The following PCDHGB2 variants were observed in gnomAD, a reference collection of about 807,000 sequenced individuals.
PCDHGB2 encodes the protein protocadherin gamma subfamily B, 2.
Under a neutral mutation model 59.3 loss-of-function variants are expected in PCDHGB2, and 55 were observed. The observed-to-expected ratio is 0.93, with a 90% CI of 0.75 to 1.16. PCDHGB2 has a LOEUF of 1.16. PCDHGB2 is among the 50% of genes most tolerant of loss of function. The pLI, the probability that PCDHGB2 is intolerant of heterozygous loss-of-function variation, is 0.00. For missense variants in PCDHGB2, 1,228 were observed against 1,198.5 expected (o/e 1.02, Z -0.36); for synonymous variants, 516 against 512.0 (o/e 1.01, Z -0.11).
At chr5:141,392,979 C>T (rs1356713892) in intron 1 of PCDHGB2, 4 of 1,613,718 alleles carry the variant, frequency 2.5e-6, no homozygotes, top group Admixed American at 1.7e-5. Context: ...GGGGCTGGAC[C>T]CCCGGAAGCT....
intron 1 of PCDHGB2, chr5:141,397,962 A>G (rs968992832): frequency 2.0e-5 from 21 of 1,036,912 alleles, no homozygotes; most frequent in Non-Finnish European, 2.8e-5. Flanking sequence ...CCCAGCTCAG[A>G]CTCCCCAGCG....
rs202183643 is a variant in PCDHGB2 at position 141,490,646 on chromosome 5, C to T, written c.2422-4161C>T. 9 of 1,614,186 alleles carry T rather than the reference C, an allele frequency of 5.6e-6. No homozygotes were observed. Among genetic ancestry groups the T allele is most frequent in the African/African-American group, 2.7e-5 (2 of 75,054 alleles). ...GCTTACATCCTAGAAAACCGGCCTC[C>T]GGGCTCCCTTCTTTGCACTGTGGCT... On this transcript the variant is annotated intron_variant, in intron 1 of 3. Transcript: ENST00000522605. The surrounding 1 kb of genome is among the most constrained non-coding windows in gnomAD (Gnocchi z 5.4).
At position 141,491,884 on chromosome 5, in the gene PCDHGB2, G is replaced by A. The variant is rs745931108; in HGVS notation, c.2422-2923G>A. The A allele has an allele frequency of 2.8e-6, 4 of 1,446,372 alleles. No homozygotes were observed. The highest frequency in any genetic ancestry group is 2.9e-5 in the Admixed American group (1 of 34,718). 89.6% of individuals were successfully genotyped at this position (1,446,372 alleles called of 1,614,324 possible). ...AACCAGAGTGGCCGATTAAGGGATG[G>A]GGCTCCGAGCACCGGGGGTGGTGGC... On this transcript the variant is annotated intron_variant, in intron 1 of 3. Coordinates refer to ENST00000522605, the MANE Select transcript of PCDHGB2 (RefSeq NM_018923.3). This position sits in a 1 kb window ranked among gnomAD's most constrained non-coding sequence, Gnocchi z 6.9.
intron 1 of PCDHGB2, chr5:141,414,596 C>T: frequency 6.2e-7 from 1 of 1,613,962 alleles, no homozygotes; most frequent in Non-Finnish European, 8.5e-7. Context: ...AGGGGTGCCT[C>T]CATCTTCTCA....
In PCDHGB2 at chr5:141,432,373, G is replaced by T; in HGVS notation, c.2422-62434G>T. ...TGAAAGTGATGGCGCGGGACAACGG[G>T]CACCCGCCCCTCAGCAGCAACGTGT... is the stretch of plus-strand genomic sequence containing the variant. On this transcript the variant is annotated intron_variant, in intron 1 of 3. Coordinates refer to ENST00000522605, the MANE Select transcript of PCDHGB2 (RefSeq NM_018923.3). This position sits in a 1 kb window ranked among gnomAD's most constrained non-coding sequence, Gnocchi z 6.0. The T allele has an allele frequency of 6.2e-7, 1 of 1,614,206 alleles. No homozygotes were observed. The highest frequency in any genetic ancestry group is 1.1e-5 in the South Asian group (1 of 91,082).
intron 1 of PCDHGB2, chr5:141,418,387 G>C (rs1172239604): frequency 1.9e-6 from 3 of 1,613,884 alleles, no homozygotes; most frequent in Non-Finnish European, 2.5e-6. Flanking sequence ...GTCCTAACGA[G>C]TATTTCTCAT....
intron 2 of PCDHGB2, among the ~76,000 whole-genome samples, chr5:141,504,402 G>A (rs2099837969): frequency 6.6e-6 from 1 of 152,170 alleles, no homozygotes; most frequent in Admixed American, 6.6e-5. Context: ...AGCCAGTGTG[G>A]TGGAGGAACA....
intron 1 of PCDHGB2, chr5:141,370,622 C>T: frequency 1.9e-6 from 3 of 1,613,902 alleles, no homozygotes; most frequent in Non-Finnish European, 2.5e-6. Context: ...AATTCTTTAC[C>T]GTGAGCCCCG....
At position 141,493,262 on chromosome 5, in the gene PCDHGB2, A is replaced by G. The variant is rs148431133; in HGVS notation, c.2422-1545A>G. ...GGTACTAACATGCCTCTCTTATAAC[A>G]GCTTCACAGAGGTCAAGTGACTTGC... is the stretch of plus-strand genomic sequence containing the variant. On this transcript the variant is annotated intron_variant, in intron 1 of 3. Transcript: ENST00000522605. This position sits in a 1 kb window ranked among gnomAD's most constrained non-coding sequence, Gnocchi z 4.3. 5.1e-4 allele frequency among the ~76,000 whole-genome samples: 78 copies of G among 152,302 alleles called. No homozygotes were observed. Among genetic ancestry groups the G allele is most frequent in the African/African-American group, 1.7e-3 (72 of 41,574 alleles).
Position 141,443,253 on chromosome 5 carries a change from G to A in PCDHGB2, c.2422-51554G>A, listed in dbSNP as rs192939862. 1.8e-4 allele frequency among the ~76,000 whole-genome samples: 28 copies of A among 152,214 alleles called. No individual in the cohort carries two copies. The Middle Eastern group carries it at 0.014, about 74-fold the overall frequency. On this transcript the variant is annotated intron_variant, in intron 1 of 3. Transcript: ENST00000522605. Reference sequence around the variant, plus strand: ...CTTAGCACTTTGGGGCGCCAAGGCGGGTGGATCACTTGAGCCCAGGAGTTT... The same window carrying A: ...CTTAGCACTTTGGGGCGCCAAGGCGAGTGGATCACTTGAGCCCAGGAGTTT...
chr5:141,470,794 C>T (rs1332287628), intron 1 of PCDHGB2, among the ~76,000 whole-genome samples: 1 of 152,162 alleles, frequency 6.6e-6, no homozygotes, highest in African/African-American at 2.4e-5. Flanking sequence ...CTCAAGCAAT[C>T]CTCCCACTTC....
At chr5:141,409,135 T>G (rs748247175) in intron 1 of PCDHGB2, 1 of 1,614,026 alleles carries the variant, frequency 6.2e-7, no homozygotes, top group Non-Finnish European at 8.5e-7. Context: ...ATTTTGAAGA[T>G]GTAGAAAGGT....
chr5:141,471,408 T>C (rs951728688), intron 1 of PCDHGB2: 1 of 152,166 alleles, frequency 6.6e-6, no homozygotes, highest in Non-Finnish European at 1.5e-5. Flanking sequence ...CTAGGCTTAG[T>C]TATGTTTTTA....
chr5:141,430,216 A>G (rs1487666733), intron 1 of PCDHGB2, among the ~76,000 whole-genome samples: 1 of 150,536 alleles, frequency 6.6e-6, no homozygotes, highest in Non-Finnish European at 1.5e-5. Flanking sequence ...TTATTATATT[A>G]TATGATTTGT....
chr5:141,502,331 G>C lies in PCDHGB2; in HGVS notation c.2481-3062G>C, dbSNP rs555959890. ...TCCTTTAATCTGGAGCCAGCTCCCA[G>C]TCTTTTTATTTTTTTAATGACATGG... On this transcript the variant is annotated intron_variant, in intron 2 of 3. Transcript: ENST00000522605. Among the ~76,000 whole-genome samples, 42 of 152,102 alleles carry C rather than the reference G, an allele frequency of 2.8e-4. No individual in the cohort carries two copies. The South Asian group carries it at 6.2e-3, about 23-fold the overall frequency.
chr5:141,398,740 CAG>C (rs759927246), intron 1 of PCDHGB2: 11 of 1,613,746 alleles, frequency 6.8e-6, no homozygotes, highest in Non-Finnish European at 1.7e-6. Context: ...CCGGGAACAA[CAG>C]AGTTACCATC....
At chr5:141,399,847 G>T (rs746731144) in intron 1 of PCDHGB2, 19 of 1,612,874 alleles carry the variant, frequency 1.2e-5, no homozygotes, top group Middle Eastern at 1.7e-4. Flanking sequence ...CTTCGATATG[G>T]TGCCGCGCGC....
intron 1 of PCDHGB2, chr5:141,409,991 G>A: frequency 6.2e-6 from 10 of 1,613,320 alleles, no homozygotes; most frequent in Non-Finnish European, 7.6e-6. Flanking sequence ...GGTGGACGCC[G>A]ACTCGGGACA....
chr5:141,393,896 T>G (rs754023896), intron 1 of PCDHGB2: 1 of 1,613,942 alleles, frequency 6.2e-7, no homozygotes, highest in Non-Finnish European at 8.5e-7. Context: ...AAAATTCTCT[T>G]CCCGGGACAG....
Sources: gnomAD v4.1 joint callset for allele counts (sites outside exome capture counted in the v4.1 genomes callset) on GRCh38, gnomAD v4.1.1 for gene constraint, Gnocchi (gnomAD v3.1) non-coding constraint, MANE v1.5 for transcripts, NCBI Gene and HGNC (gene_info 2026-07-23, HGNC 2026-07-21) for gene names.